Variants in NTN1 observed in about 807,000 individuals in gnomAD.
NTN1 encodes the protein netrin 1.
NTN1 carries 11 observed loss-of-function variants against 54.2 expected under a neutral mutation model. That is an observed-to-expected ratio of 0.20 (90% CI 0.13 to 0.34). The LOEUF (loss-of-function observed/expected upper bound fraction) is 0.34. Among genes scored for constraint, NTN1 ranks in the 10% least tolerant of loss-of-function variants. NTN1 has a pLI of 1.00. For synonymous variants in NTN1, 371 were observed against 382.0 expected, an observed-to-expected ratio of 0.97 and a Z score of 0.33; for missense variants, 740 against 893.1, an observed-to-expected ratio of 0.83 and a Z score of 2.18.
intron 2 of NTN1, among the ~76,000 whole-genome samples, chr17:9,039,533 A>G (rs2091914707): frequency 2.6e-5 from 4 of 152,198 alleles, no homozygotes. Context: ...TGTTCAGTAA[A>G]TTGCACATAT....
At chr17:9,139,864 C>T (rs142546647) in intron 2 of NTN1, among the ~76,000 whole-genome samples, 175 of 152,146 alleles carry the variant, frequency 1.2e-3, no homozygotes, top group African/African-American at 3.6e-3. Flanking sequence ...AGCCATCTAT[C>T]CATCGATTCC....
intron 6 of NTN1, among the ~76,000 whole-genome samples, chr17:9,234,352 G>A (rs956798544): frequency 2.6e-5 from 4 of 152,236 alleles, no homozygotes; most frequent in Admixed American, 6.5e-5. Flanking sequence ...TTGCAGGAAA[G>A]GAGGGTTTAC....
intron 2 of NTN1, among the ~76,000 whole-genome samples, chr17:9,119,819 G>A (rs376143478): frequency 1.1e-3 from 166 of 152,138 alleles, no homozygotes; most frequent in African/African-American, 3.8e-3. Flanking sequence ...TATTTTAGCC[G>A]TCCTACTGAG....
the NTN1 span, among the ~76,000 whole-genome samples, chr17:9,011,036 A>G: frequency 6.6e-6 from 1 of 151,914 alleles, no homozygotes; most frequent in Non-Finnish European, 1.5e-5. Context: ...AGGGCCTTAT[A>G]AGGAATGTGC....
At chr17:9,085,462 G>A (rs1483322932) in intron 2 of NTN1, among the ~76,000 whole-genome samples, 3 of 152,232 alleles carry the variant, frequency 2.0e-5, no homozygotes, top group African/African-American at 4.8e-5. Flanking sequence ...CTGGCTGCAA[G>A]GTATCCTGGG....
At chr17:9,186,370 C>A (rs1403339357) in intron 5 of NTN1, among the ~76,000 whole-genome samples, 1 of 152,210 alleles carries the variant, frequency 6.6e-6, no homozygotes, top group South Asian at 2.1e-4. Context: ...TTGATGGCCT[C>A]CTTGGTTTGA....
At chr17:9,132,649 C>T (rs1269182336) in intron 2 of NTN1, among the ~76,000 whole-genome samples, 6 of 152,058 alleles carry the variant, frequency 3.9e-5, no homozygotes, top group South Asian at 2.1e-4. Context: ...CTGAGGCAGG[C>T]GGATCACCTG....
intron 5 of NTN1, among the ~76,000 whole-genome samples, chr17:9,206,443 A>C (rs546101820): frequency 7.7e-4 from 117 of 152,026 alleles, no homozygotes; most frequent in African/African-American, 2.7e-3. Flanking sequence ...CGGCCACCCC[A>C]CCCCTGAGCC....
intron 2 of NTN1, among the ~76,000 whole-genome samples, chr17:9,156,111 T>C (rs2092341218): frequency 6.6e-6 from 1 of 152,182 alleles, no homozygotes; most frequent in Non-Finnish European, 1.5e-5. Flanking sequence ...TGTCCCAACC[T>C]GCCCATGTGG....
intron 5 of NTN1, among the ~76,000 whole-genome samples, chr17:9,206,052 G>C (rs1458771838): frequency 3.9e-5 from 6 of 152,222 alleles, no homozygotes; most frequent in African/African-American, 1.2e-4. Flanking sequence ...GTGACCCCTA[G>C]GTCTGGGACT....
intron 2 of NTN1, among the ~76,000 whole-genome samples, chr17:9,074,099 T>G (rs982470572): frequency 6.6e-6 from 1 of 152,192 alleles, no homozygotes; most frequent in Admixed American, 6.5e-5. Flanking sequence ...GGGATTGGTC[T>G]TTTGGCGCCA....
intron 2 of NTN1, among the ~76,000 whole-genome samples, chr17:9,080,574 G>C (rs185481400): frequency 6.6e-6 from 1 of 152,250 alleles, no homozygotes; most frequent in South Asian, 2.1e-4. Flanking sequence ...GGGATCAGAT[G>C]TCTTTTGTGT....
At chr17:9,052,925 T>G (rs2091965738) in intron 2 of NTN1, among the ~76,000 whole-genome samples, 1 of 152,240 alleles carries the variant, frequency 6.6e-6, no homozygotes, top group Non-Finnish European at 1.5e-5. Context: ...CTCTGGCCTC[T>G]CAATAGCTGC....
chr17:9,065,060 C>T (rs1436784074), intron 2 of NTN1, among the ~76,000 whole-genome samples: 2 of 152,212 alleles, frequency 1.3e-5, no homozygotes, highest in African/African-American at 4.8e-5. Flanking sequence ...CCTCAGCCTC[C>T]TGAGTATTTG....
chr17:9,023,701 A>G (rs2151507018), intron 2 of NTN1, among the ~76,000 whole-genome samples: 1 of 152,330 alleles, frequency 6.6e-6, no homozygotes, highest in African/African-American at 2.4e-5. Context: ...GCAAACATTC[A>G]TTGCCTTCCC....
intron 2 of NTN1, among the ~76,000 whole-genome samples, chr17:9,043,796 T>C (rs1294201630): frequency 6.6e-6 from 1 of 152,078 alleles, no homozygotes; most frequent in Admixed American, 6.5e-5. Flanking sequence ...GTCAGGCTGG[T>C]CTCAAACTCC....
chr17:9,151,519 C>T (rs2092327600), intron 2 of NTN1, among the ~76,000 whole-genome samples: 1 of 152,192 alleles, frequency 6.6e-6, no homozygotes, highest in South Asian at 2.1e-4. Context: ...TGATCCACCC[C>T]TCTTCCACGG....
intron 2 of NTN1, among the ~76,000 whole-genome samples, chr17:9,150,965 G>A (rs1276215589): frequency 6.6e-6 from 1 of 152,134 alleles, no homozygotes; most frequent in African/African-American, 2.4e-5. Flanking sequence ...AATCCTGCCC[G>A]TGGTCCTGAT....
intron 6 of NTN1, among the ~76,000 whole-genome samples, chr17:9,224,481 C>T (rs1905467611): frequency 6.6e-6 from 1 of 152,208 alleles, no homozygotes; most frequent in Non-Finnish European, 1.5e-5. Context: ...GGGTTATCAG[C>T]AAAGCAGGTA....
Sources: allele counts gnomAD v4.1 joint callset (sites outside exome capture counted in the v4.1 genomes callset), GRCh38; gene constraint gnomAD v4.1.1; transcripts MANE v1.5; gene names NCBI Gene and HGNC (gene_info 2026-07-23, HGNC 2026-07-21).